Variants in VPS13A observed in about 807,000 individuals in gnomAD.
VPS13A encodes vacuolar protein sorting 13 homolog A.
Under a neutral mutation model 390.9 loss-of-function variants are expected in VPS13A, and 264 were observed. That is an observed-to-expected ratio of 0.68 (90% CI 0.61 to 0.75). The LOEUF is 0.75. VPS13A is among the 30% of genes least tolerant of loss of function. The pLI, the probability that VPS13A is intolerant of heterozygous loss-of-function variation, is 0.00. For missense variants in VPS13A, 3,409 were observed against 3,733.9 expected, an observed-to-expected ratio of 0.91 and a Z score of 2.27; for synonymous variants, 1,231 against 1,227.1, an observed-to-expected ratio of 1.00 and a Z score of -0.07.
At chr9:77,320,580 A>G (rs191576033) in intron 42 of VPS13A, among the ~76,000 whole-genome samples, 1 of 152,090 alleles carries the variant, frequency 6.6e-6, no homozygotes, top group African/African-American at 2.4e-5. Flanking sequence ...CTAGCTTAGC[A>G]TGTTGAGCTC....
intron 46 of VPS13A, 28 bp downstream of exon 46, chr9:77,332,141 T>C: frequency 6.5e-7 from 1 of 1,538,558 alleles, no homozygotes. Context: ...TTTTATTTAC[T>C]CTAAAATCTC....
At chr9:77,410,234 A>T (rs11145417) in intron 71 of VPS13A, among the ~76,000 whole-genome samples, 1 of 151,684 alleles carries the variant, frequency 6.6e-6, no homozygotes, top group Non-Finnish European at 1.5e-5. Context: ...CCTTTACAGA[A>T]AGGCAAATGC....
At chr9:77,281,485 T>C (rs1308881053) in intron 27 of VPS13A, among the ~76,000 whole-genome samples, 1 of 152,114 alleles carries the variant, frequency 6.6e-6, no homozygotes, top group African/African-American at 2.4e-5. Flanking sequence ...ATTTGGATAC[T>C]TGGTGGACAA....
Position 77,357,696 on chromosome 9 carries a change from G to A in VPS13A, c.7811G>A (p.Arg2604His), listed in dbSNP as rs762985818. 15 of 1,613,398 alleles carry A rather than the reference G, an allele frequency of 9.3e-6. No homozygotes were observed. Among genetic ancestry groups the A allele is most frequent in the South Asian group, 2.2e-5 (2 of 91,026 alleles). ...TTGGGGGGACATATTTTTCAGGTTCGCCTAACCCCTACTGGTCATAACATG... is the reference window on the plus strand; with the variant it reads ...TTGGGGGGACATATTTTTCAGGTTCACCTAACCCCTACTGGTCATAACATG... ...VIQLDTNVPVRLTPTGHNMKI... is the reference protein window; with the variant it reads ...VIQLDTNVPVHLTPTGHNMKI... Residue 2604 changes from arginine (R) to histidine (H), a missense_variant, in exon 56 of 72, where the codon CGC becomes CAC. Arg to His is a conservative substitution (Grantham distance 29). This residue lies in a region of VPS13A where 221 missense variants were observed against 300.7 expected (regional missense o/e 0.73). Transcript: ENST00000360280.
chr9:77,229,549 G>C (rs1823707250), intron 17 of VPS13A, among the ~76,000 whole-genome samples: 1 of 152,114 alleles, frequency 6.6e-6, no homozygotes. Context: ...TTTCTGTTTG[G>C]CATTTTTCAC....
At chr9:77,258,400 A>G (rs1825572466) in intron 22 of VPS13A, among the ~76,000 whole-genome samples, 1 of 152,152 alleles carries the variant, frequency 6.6e-6, no homozygotes, top group Admixed American at 6.5e-5. Flanking sequence ...AATACTTATT[A>G]TACTTAACAT....
At chr9:77,287,631 C>T (rs1397424945) in intron 31 of VPS13A, among the ~76,000 whole-genome samples, 1 of 152,144 alleles carries the variant, frequency 6.6e-6, no homozygotes, top group African/African-American at 2.4e-5. Flanking sequence ...GGTAATGTGA[C>T]AGGTAATAAT....
chr9:77,322,181 A>G (rs2131452003), intron 44 of VPS13A, among the ~76,000 whole-genome samples: 1 of 151,074 alleles, frequency 6.6e-6, no homozygotes, highest in Non-Finnish European at 1.5e-5. Context: ...TAATGGCTTT[A>G]GGATTTATAA....
rs191253703 is a variant in VPS13A, at chr9:77,361,808, T to A, written c.8211+1167T>A. 4.5e-3 allele frequency among the ~76,000 whole-genome samples: 668 copies of A among 149,950 alleles called. 3 individuals are homozygous for A. Among genetic ancestry groups the A allele is most frequent in the African/African-American group, 0.016 (631 of 39,406 alleles). On this transcript the variant is annotated intron_variant, in intron 59 of 71. Coordinates refer to ENST00000360280, the MANE Select transcript of VPS13A (RefSeq NM_033305.3). ...GATTTTTCCATATTATCCCCAACAC[T>A]TGTTACTATCTGTCTTTGATTCTAG...
intron 34 of VPS13A, among the ~76,000 whole-genome samples, chr9:77,304,141 C>T (rs889993967): frequency 6.6e-6 from 1 of 152,116 alleles, no homozygotes; most frequent in South Asian, 2.1e-4. Flanking sequence ...GTGCATTGTG[C>T]CCCAGGTTTA....
chr9:77,365,432 G>A lies in VPS13A; in HGVS notation c.8212-28G>A, dbSNP rs373789670. Reference sequence around the variant, plus strand: ...TATCTCATGCAGGTAGGTCCCTTTAGTTTTAATATTTTGTGTTCCTTTTAT... The same window carrying A: ...TATCTCATGCAGGTAGGTCCCTTTAATTTTAATATTTTGTGTTCCTTTTAT... On this transcript the variant is annotated intron_variant, in intron 59 of 71. Transcript: ENST00000360280. The A allele has an allele frequency of 4.7e-6, 7 of 1,474,698 alleles. No individual in the cohort carries two copies. In the African/African-American group the frequency reaches 9.7e-5, roughly 21 times the overall value. The allele number at this position is 1,474,698 out of a possible 1,614,324, so 91.4% of individuals were successfully genotyped here.
chr9:77,185,289 C>G lies in VPS13A; in HGVS notation c.100+7485C>G, dbSNP rs1003376662. On this transcript the variant is annotated intron_variant, in intron 1 of 71. Coordinates refer to ENST00000360280, the MANE Select transcript of VPS13A (RefSeq NM_033305.3). ...CCCGAGTAGCTGGGACTACAGGCGC[C>G]TGTCACCACACCAGGCTACTTTTTG... Among the ~76,000 whole-genome samples the G allele has an allele frequency of 2.6e-5, 4 of 152,142 alleles. No individual in the cohort carries two copies. In the East Asian group the frequency reaches 7.7e-4, roughly 29 times the overall value.
At chr9:77,245,857 C>G (rs1475927944) in intron 19 of VPS13A, among the ~76,000 whole-genome samples, 2 of 152,166 alleles carry the variant, frequency 1.3e-5, no homozygotes, top group Non-Finnish European at 2.9e-5. Flanking sequence ...ACAGGCTGTA[C>G]AAGAAGCATG....
Position 77,319,605 on chromosome 9 carries a change from G to T in VPS13A, c.5347G>T (p.Glu1783Ter). 1.2e-6 allele frequency: 2 copies of T among 1,611,934 alleles called. No homozygotes were observed. Among genetic ancestry groups the T allele is most frequent in the Non-Finnish European group, 1.7e-6 (2 of 1,178,486 alleles). The change falls in exon 42 of 72, where the codon GAG becomes TAG. Residue 1783 changes from glutamate to a stop codon, truncating the protein, a stop_gained. Coordinates refer to ENST00000360280, the MANE Select transcript of VPS13A (RefSeq NM_033305.3). LOFTEE classifies it high-confidence loss of function. ...TTATAATGAAATGTTTGGTGTATGG[G>T]AGCCTTTGCTTGAACCCTTAGAAAT... ...HYYNEMFGVW[E>*]PLLEPLEIDQ...
intron 1 of VPS13A, 34 bp from the exon 2 acceptor site, chr9:77,199,911 T>G: frequency 5.8e-6 from 9 of 1,560,922 alleles, no homozygotes; most frequent in Non-Finnish European, 7.9e-6. Flanking sequence ...GAAAAATATT[T>G]GATTGTTTGA....
chr9:77,366,745 C>A lies in VPS13A; in HGVS notation c.8344C>A (p.Leu2782Met). Residue 2782 changes from leucine (L) to methionine (M), a missense_variant, in exon 61 of 72, where the codon CTG (leucine) becomes ATG (methionine). Physicochemically the swap from Leu to Met is conservative, Grantham distance 15. Coordinates refer to ENST00000360280, the MANE Select transcript of VPS13A (RefSeq NM_033305.3). ...TTTTTAGTTACATTTAAGTGTTTCA[C>A]TGAGTTCCGGCAGAGAAGAAGCTAA... ...SPIKLHLSVSLSSGREEAKDS... is the reference protein window; with the variant it reads ...SPIKLHLSVSMSSGREEAKDS... The A allele has an allele frequency of 6.2e-7, 1 of 1,612,524 alleles. No individual in the cohort carries two copies. Among genetic ancestry groups the A allele is most frequent in the Non-Finnish European group, 8.5e-7 (1 of 1,178,988 alleles).
chr9:77,390,023 CGTG>C, intron 68 of VPS13A: 1 of 956,898 alleles, frequency 1.0e-6, no homozygotes, highest in Non-Finnish European at 1.2e-6. Flanking sequence ...CGTCAGCCGA[CGTG>C]GTCTTTCCCT....
chr9:77,241,655 T>G (rs1038865929), intron 19 of VPS13A, among the ~76,000 whole-genome samples: 1 of 152,180 alleles, frequency 6.6e-6, no homozygotes, highest in Non-Finnish European at 1.5e-5. Context: ...AGAATATTAT[T>G]TGGGAGAATT....
chr9:77,409,541 A>C lies in VPS13A; in HGVS notation c.9474+1934A>C, dbSNP rs1357800475. Among the ~76,000 whole-genome samples, 5 of 152,272 alleles carry C rather than the reference A, an allele frequency of 3.3e-5. No homozygotes were observed. The South Asian group carries it at 8.3e-4, about 25-fold the overall frequency. On this transcript the variant is annotated intron_variant, in intron 71 of 71. Transcript: ENST00000360280. Reference sequence around the variant, plus strand: ...GTTCGAATCCATGGCAAGGAAGTTAAAAACCTTGAAAAAAAATTAGATGAA... The same window carrying C: ...GTTCGAATCCATGGCAAGGAAGTTACAAACCTTGAAAAAAAATTAGATGAA...
Sources: gnomAD v4.1 joint callset for allele counts (sites outside exome capture counted in the v4.1 genomes callset) on GRCh38, gnomAD v4.1.1 for gene constraint, gnomAD v4.1.1 regional missense constraint, MANE v1.5 for transcripts, NCBI Gene and HGNC (gene_info 2026-07-23, HGNC 2026-07-21) for gene names.